GPC6: variants seen among roughly 807,000 people sequenced by gnomAD.
The protein encoded by GPC6 is glypican-6.
Under a neutral mutation model 55.2 loss-of-function variants are expected in GPC6, and 14 were observed. The observed-to-expected ratio is 0.25, with a 90% CI of 0.17 to 0.40. The LOEUF (loss-of-function observed/expected upper bound fraction) is 0.40. Among genes scored for constraint, GPC6 ranks in the 10% least tolerant of loss-of-function variants. The probability of loss-of-function intolerance (pLI) is 1.00; values close to 1 mark genes in which losing one functional copy is unlikely to be tolerated. For synonymous variants in GPC6, 278 were observed against 259.6 expected, an observed-to-expected ratio of 1.07 and a Z score of -0.68; for missense variants, 641 against 708.5, an observed-to-expected ratio of 0.90 and a Z score of 1.08.
chr13:93,898,808 G>A (rs1200823255), intron 3 of GPC6, among the ~76,000 whole-genome samples: 1 of 151,644 alleles, frequency 6.6e-6, no homozygotes, highest in East Asian at 1.9e-4. Flanking sequence ...AGCTTAGGAA[G>A]GGCAAGCCCA....
intron 1 of GPC6, among the ~76,000 whole-genome samples, chr13:93,383,803 C>G (rs16948746): frequency 0.022 from 3,380 of 151,816 alleles, 119 homozygotes; most frequent in African/African-American, 0.078. Flanking sequence ...GGAATTGGAA[C>G]TTTTATATGG....
intron 6 of GPC6, among the ~76,000 whole-genome samples, chr13:94,338,963 G>A (rs1877874442): frequency 6.6e-6 from 1 of 152,148 alleles, no homozygotes; most frequent in Non-Finnish European, 1.5e-5. Context: ...TCTGGAATGA[G>A]GCATTGTGCT....
chr13:93,278,089 TA>T (rs1877818450), intron 1 of GPC6, among the ~76,000 whole-genome samples: 2 of 152,216 alleles, frequency 1.3e-5, no homozygotes, highest in African/African-American at 4.8e-5. Context: ...ATATTTGCGT[TA>T]CTGGCTTTAC....
intron 6 of GPC6, among the ~76,000 whole-genome samples, chr13:94,331,361 A>G (rs1877408145): frequency 6.6e-6 from 1 of 152,112 alleles, no homozygotes. Flanking sequence ...CCTTTCAGAG[A>G]GGAAGTTTGC....
At chr13:94,061,130 C>T (rs1303511859) in intron 4 of GPC6, among the ~76,000 whole-genome samples, 4 of 152,062 alleles carry the variant, frequency 2.6e-5, no homozygotes. Context: ...GTCTGTGTGC[C>T]AGGTGGGTTG....
chr13:94,202,829 G>T (rs1889795105), intron 4 of GPC6, among the ~76,000 whole-genome samples: 1 of 152,122 alleles, frequency 6.6e-6, no homozygotes, highest in South Asian at 2.1e-4. Context: ...GGGAGTAGGT[G>T]AGGAGGAGCC....
intron 6 of GPC6, among the ~76,000 whole-genome samples, chr13:94,382,060 G>A (rs1487749190): frequency 3.3e-5 from 5 of 152,214 alleles, no homozygotes; most frequent in Non-Finnish European, 7.3e-5. Context: ...GCAAGCAAAT[G>A]AATTCTAGAG....
intron 4 of GPC6, among the ~76,000 whole-genome samples, chr13:94,218,660 A>G (rs919731731): frequency 1.3e-5 from 2 of 152,176 alleles, no homozygotes; most frequent in Non-Finnish European, 1.5e-5. Context: ...AGCCCTTGGT[A>G]ACAACACAGC....
intron 1 of GPC6, among the ~76,000 whole-genome samples, chr13:93,387,627 G>A (rs1373084332): frequency 1.3e-5 from 2 of 152,166 alleles, no homozygotes; most frequent in Non-Finnish European, 2.9e-5. Context: ...TTGATTCATA[G>A]GATTGTCAGA....
intron 3 of GPC6, among the ~76,000 whole-genome samples, chr13:93,841,066 G>A (rs1183632185): frequency 6.6e-6 from 1 of 152,142 alleles, no homozygotes; most frequent in Non-Finnish European, 1.5e-5. Flanking sequence ...GAGGAGGGTA[G>A]GCAAGGTGTG....
intron 2 of GPC6, among the ~76,000 whole-genome samples, chr13:93,779,798 A>G (rs1885580722): frequency 6.6e-6 from 1 of 152,080 alleles, no homozygotes; most frequent in Admixed American, 6.6e-5. Context: ...TTAGAGCTTA[A>G]TGTAGGGAAA....
intron 4 of GPC6, among the ~76,000 whole-genome samples, chr13:94,257,705 G>T (rs1891545825): frequency 6.6e-6 from 1 of 152,152 alleles, no homozygotes; most frequent in Admixed American, 6.6e-5. Flanking sequence ...CAGCCAGCTG[G>T]TTTCTCATTT....
At chr13:94,163,630 T>C (rs1374297651) in intron 4 of GPC6, among the ~76,000 whole-genome samples, 3 of 152,124 alleles carry the variant, frequency 2.0e-5, no homozygotes, top group Non-Finnish European at 4.4e-5. Flanking sequence ...CACAAAAGGA[T>C]TAGAAAAGTT....
intron 3 of GPC6, among the ~76,000 whole-genome samples, chr13:93,985,549 G>T (rs1025178933): frequency 1.3e-5 from 2 of 151,554 alleles, no homozygotes; most frequent in Non-Finnish European, 2.9e-5. Context: ...TAAAAAAAGG[G>T]TGTGTGATGA....
At chr13:93,520,263 C>G (rs1432713307) in intron 1 of GPC6, among the ~76,000 whole-genome samples, 2 of 151,872 alleles carry the variant, frequency 1.3e-5, no homozygotes, top group Non-Finnish European at 1.5e-5. Context: ...ATCCAGGTAC[C>G]AGATGGTCCA....
chr13:93,558,110 G>C (rs1301204508), intron 2 of GPC6, among the ~76,000 whole-genome samples: 1 of 152,144 alleles, frequency 6.6e-6, no homozygotes, highest in African/African-American at 2.4e-5. Flanking sequence ...TTGACAAAAT[G>C]ATCTTGTAAG....
At chr13:93,936,107 A>G (rs1268110568) in intron 3 of GPC6, among the ~76,000 whole-genome samples, 3 of 152,172 alleles carry the variant, frequency 2.0e-5, no homozygotes, top group Non-Finnish European at 1.5e-5. Flanking sequence ...GAACCAAAAC[A>G]TTGGGCGTCA....
intron 3 of GPC6, among the ~76,000 whole-genome samples, chr13:93,841,705 C>T (rs985616262): frequency 5.9e-5 from 9 of 152,136 alleles, no homozygotes; most frequent in African/African-American, 2.2e-4. Flanking sequence ...CTTGCATACA[C>T]AGAATTTTTT....
chr13:93,575,447 C>T (rs1250444761), intron 2 of GPC6, among the ~76,000 whole-genome samples: 1 of 152,150 alleles, frequency 6.6e-6, no homozygotes, highest in African/African-American at 2.4e-5. Flanking sequence ...AGAATACACA[C>T]TGTGGACCCT....
Sources: gnomAD v4.1 joint callset for allele counts (sites outside exome capture counted in the v4.1 genomes callset) on GRCh38, gnomAD v4.1.1 for gene constraint, MANE v1.5 for transcripts, NCBI Gene and HGNC (gene_info 2026-07-23, HGNC 2026-07-21) for gene names.